Variants in CD36 observed in about 807,000 individuals in gnomAD.
CD36 encodes CD36 molecule (CD36 blood group).
A neutral mutation model predicts 55.2 loss-of-function variants in CD36; 119 were observed. The observed-to-expected ratio is 2.15, with a 90% CI of 1.86 to 2.51. CD36 has a LOEUF of 2.51. Among genes scored for constraint, CD36 ranks in the 30% most tolerant of loss-of-function variants. CD36 has a pLI of 0.00. For missense variants in CD36, 819 were observed against 555.5 expected (o/e 1.47, Z -4.77); for synonymous variants, 186 against 193.6 (o/e 0.96, Z 0.33).
At chr7:80,673,091 AATAATT>A in intron 12 of CD36, 1 of 525,228 alleles carries the variant, frequency 1.9e-6, no homozygotes, top group East Asian at 3.1e-5. Context: ...TTTCTATGAC[AATAATT>A]AATTTTTGGA....
chr7:80,642,820 A>C (rs572243970), intron 1 of CD36, among the ~76,000 whole-genome samples: 1 of 152,276 alleles, frequency 6.6e-6, no homozygotes, highest in African/African-American at 2.4e-5. Context: ...GTTTTGTTAG[A>C]TTAATACTTG....
intron 1 of CD36, among the ~76,000 whole-genome samples, chr7:80,642,647 G>C (rs986956295): frequency 6.6e-6 from 1 of 152,136 alleles, no homozygotes; most frequent in African/African-American, 2.4e-5. Flanking sequence ...AAGGCACCGA[G>C]TGATAATAAA....
upstream of CD36, among the ~76,000 whole-genome samples, chr7:80,635,429 C>A (rs1298524841): frequency 6.6e-6 from 1 of 152,034 alleles, no homozygotes; most frequent in Non-Finnish European, 1.5e-5. Flanking sequence ...CATGCACCAC[C>A]ACACCTGGCT....
At chr7:80,670,675 A>G (rs1310872082) in intron 9 of CD36, 2 of 376,986 alleles carry the variant, frequency 5.3e-6, no homozygotes, top group Admixed American at 8.7e-5. Flanking sequence ...TATTTCATTT[A>G]AACTGATCAC....
At chr7:80,627,482 A>G (rs1793807877) in intron 1 of CD36, among the ~76,000 whole-genome samples, 1 of 151,406 alleles carries the variant, frequency 6.6e-6, no homozygotes, top group Non-Finnish European at 1.5e-5. Flanking sequence ...TTTCACTTAG[A>G]CTACAGACCC....
chr7:80,647,503 A>G (rs2116417827), intron 3 of CD36, among the ~76,000 whole-genome samples: 1 of 152,312 alleles, frequency 6.6e-6, no homozygotes, highest in East Asian at 1.9e-4. Flanking sequence ...GTGAAAAAAC[A>G]GAATGATTGA....
At chr7:80,630,812 G>A (rs1794032736) in intron 1 of CD36, among the ~76,000 whole-genome samples, 1 of 152,008 alleles carries the variant, frequency 6.6e-6, no homozygotes, top group Admixed American at 6.6e-5. Flanking sequence ...GCCACTCCAA[G>A]CCTTGTAAAT....
intron 1 of CD36, among the ~76,000 whole-genome samples, chr7:80,615,803 C>T (rs1334463483): frequency 6.6e-6 from 1 of 152,130 alleles, no homozygotes; most frequent in Non-Finnish European, 1.5e-5. Flanking sequence ...TTGGAGTTTT[C>T]TCTAATAGTC....
intron 5 of CD36, among the ~76,000 whole-genome samples, chr7:80,661,915 G>A (rs556449209): frequency 1.3e-5 from 2 of 152,222 alleles, no homozygotes; most frequent in South Asian, 2.1e-4. Flanking sequence ...CTAGCTATCC[G>A]CCAACAGGGG....
Position 80,664,493 on chromosome 7 carries a change from A to G in CD36, c.697A>G (p.Lys233Glu). The change falls in exon 7 of 15, where the codon AAA becomes GAA. Residue 233 changes from lysine (K) to glutamate (E), a missense_variant. Physicochemically the swap from Lys to Glu is moderately conservative, Grantham distance 56. Coordinates refer to ENST00000447544, the MANE Select transcript of CD36 (RefSeq NM_001001548.3). Reference protein sequence around the residue: ...KVAIIDTYKGKRNLSYWESHC... With the variant: ...KVAIIDTYKGERNLSYWESHC... ...TGCCATAATCGACACATATAAAGGTAAAAGGTAAGTATTCTGGTAAAATGT... is the reference window on the plus strand; with the variant it reads ...TGCCATAATCGACACATATAAAGGTGAAAGGTAAGTATTCTGGTAAAATGT... The G allele has an allele frequency of 6.6e-7, 1 of 1,507,508 alleles. No individual in the cohort carries two copies. The highest frequency in any genetic ancestry group is 1.4e-5 in the African/African-American group (1 of 72,412). 93.4% of individuals were successfully genotyped at this position (1,507,508 alleles called of 1,614,324 possible).
At chr7:80,662,683 A>G (rs1323977476) in intron 5 of CD36, 1 of 373,254 alleles carries the variant, frequency 2.7e-6, no homozygotes, top group South Asian at 2.2e-5. Context: ...CTATCAAACC[A>G]TCATCTAGGT....
intron 1 of CD36, among the ~76,000 whole-genome samples, chr7:80,622,681 A>G (rs943117695): frequency 5.3e-5 from 8 of 152,230 alleles, no homozygotes; most frequent in African/African-American, 1.4e-4. Context: ...TCTACACAGA[A>G]GTAGGGGAAA....
intron 9 of CD36, 24 bp downstream of exon 9, chr7:80,670,046 G>C: frequency 4.9e-6 from 7 of 1,434,090 alleles, no homozygotes; most frequent in Non-Finnish European, 6.9e-6. Flanking sequence ...TGAAGTATAA[G>C]TATGTCTGAG....
chr7:80,655,017 C>CTGGTTTT (rs1476420381), intron 3 of CD36, among the ~76,000 whole-genome samples: 13 of 152,158 alleles, frequency 8.5e-5, no homozygotes, highest in African/African-American at 1.2e-4. Flanking sequence ...TTCTCAGAGC[C>CTGGTTTT]TCAGTGTGAT....
rs1478696898 is a variant in CD36, at chr7:80,661,188, C to T, written c.407C>T (p.Thr136Ile). 14 of 1,613,984 alleles carry T rather than the reference C, an allele frequency of 8.7e-6. No homozygotes were observed. Among genetic ancestry groups the T allele is most frequent in the African/African-American group, 1.3e-5 (1 of 75,036 alleles). ...LSVGTEADNF[T>I]VLNLAVAAAS... ...GTTGGAACAGAGGCTGACAACTTCA[C>T]AGTTCTCAATCTGGCTGTGGCAGTG... Residue 136 changes from threonine to isoleucine, a missense_variant, in exon 5 of 15, where the codon ACA becomes ATA. Physicochemically the swap from Thr to Ile is moderately conservative, Grantham distance 89. Transcript: ENST00000447544.
intron 3 of CD36, among the ~76,000 whole-genome samples, chr7:80,655,758 C>T (rs912712003): frequency 1.6e-4 from 24 of 151,868 alleles, no homozygotes; most frequent in Admixed American, 1.5e-3. Flanking sequence ...TCAAGGTCAG[C>T]CTGACCAATA....
In CD36 at chr7:80,663,173, A is replaced by G. The variant is rs749204094; in HGVS notation, c.609+4A>G. 2.6e-5 allele frequency: 42 copies of G among 1,607,602 alleles called. No homozygotes were observed. Among genetic ancestry groups the G allele is most frequent in the Non-Finnish European group, 4.3e-6 (5 of 1,174,332 alleles). On this transcript the variant is annotated splice_donor_region_variant and intron_variant, in intron 6 of 14. Transcript: ENST00000447544. The stretch of plus-strand genomic sequence containing the variant: ...CACAGTTGGTCTGTTTTATCCTGTA[A>G]GTACCAAATATGAATGGCAATATTA...
At chr7:80,647,640 G>T (rs1370929454) in intron 3 of CD36, among the ~76,000 whole-genome samples, 3 of 152,142 alleles carry the variant, frequency 2.0e-5, no homozygotes, top group Non-Finnish European at 2.9e-5. Context: ...AAGCAGTTCT[G>T]CTGAAGTTCT....
chr7:80,669,868 A>T, intron 8 of CD36, 85 bp from the exon 9 acceptor site: 1 of 900,178 alleles, frequency 1.1e-6, no homozygotes, highest in Non-Finnish European at 1.9e-6. Context: ...TTACATTTCT[A>T]TGGACTACAC....
Sources: gnomAD v4.1 joint callset for allele counts (sites outside exome capture counted in the v4.1 genomes callset) on GRCh38, gnomAD v4.1.1 for gene constraint, MANE v1.5 for transcripts, NCBI Gene and HGNC (gene_info 2026-07-23, HGNC 2026-07-21) for gene names.